RXFP1: variants seen among roughly 807,000 people sequenced by gnomAD.
The protein encoded by RXFP1 is relaxin family peptide receptor 1, also known as relaxin receptor 1.
In RXFP1, 73 loss-of-function variants were observed where a neutral mutation model predicts 89.8. That is an observed-to-expected ratio of 0.81 (90% CI 0.67 to 0.99). The LOEUF is 0.99. RXFP1 is among the 50% of genes least tolerant of loss of function. The probability of loss-of-function intolerance (pLI) is 0.00; values close to 1 mark genes in which losing one functional copy is unlikely to be tolerated. For synonymous variants in RXFP1, 277 were observed against 305.5 expected (o/e 0.91, Z 0.97); for missense variants, 793 against 895.5 (o/e 0.89, Z 1.46).
chr4:158,629,978 A>T (rs535488924), intron 11 of RXFP1, among the ~76,000 whole-genome samples: 1 of 152,270 alleles, frequency 6.6e-6, no homozygotes, highest in South Asian at 2.1e-4. Context: ...TTGTTTTGAC[A>T]ATTAGCTAGA....
At chr4:158,569,675 T>G (rs975640490) in intron 1 of RXFP1, among the ~76,000 whole-genome samples, 10 of 152,352 alleles carry the variant, frequency 6.6e-5, no homozygotes, top group Non-Finnish European at 1.5e-4. Flanking sequence ...CTTTCAATTG[T>G]TTATGGAACA....
chr4:158,628,301 A>C (rs1191554245), intron 10 of RXFP1, among the ~76,000 whole-genome samples: 1 of 152,216 alleles, frequency 6.6e-6, no homozygotes. Context: ...CAGTCATGCT[A>C]TGCAGACTGA....
intron 1 of RXFP1, among the ~76,000 whole-genome samples, chr4:158,539,868 C>A (rs1288908416): frequency 6.6e-6 from 1 of 152,070 alleles, no homozygotes; most frequent in Non-Finnish European, 1.5e-5. Flanking sequence ...GAAAAAAAAT[C>A]ACAGATTTCA....
intron 6 of RXFP1, chr4:158,610,678 C>T (rs1456572607): frequency 7.8e-7 from 1 of 1,289,568 alleles, no homozygotes; most frequent in East Asian, 5.5e-5. Flanking sequence ...GAGGACTGGG[C>T]AAAACAGGTG....
At chr4:158,527,564 A>ATATATATATATATATATAT (rs1553989393) in intron 1 of RXFP1, among the ~76,000 whole-genome samples, 1 of 98,338 alleles carries the variant, frequency 1.0e-5, no homozygotes, top group African/African-American at 3.5e-5. Flanking sequence ...AAAAAAAAAA[A>ATATATATATATATATATAT]ATATATATAT....
intron 4 of RXFP1, 90 bp from the exon 5 acceptor site, chr4:158,604,977 CT>C (rs1355487461): frequency 1.5e-6 from 1 of 652,012 alleles, no homozygotes; most frequent in African/African-American, 1.8e-5. Flanking sequence ...AAAGCTAGTA[CT>C]AAAGTAAATA....
intron 1 of RXFP1, among the ~76,000 whole-genome samples, chr4:158,540,291 G>A (rs890520678): frequency 2.6e-5 from 4 of 152,238 alleles, no homozygotes; most frequent in African/African-American, 9.6e-5. Context: ...TTACTCATGA[G>A]TTTTCTGGGA....
intron 1 of RXFP1, among the ~76,000 whole-genome samples, chr4:158,527,564 A>AAAAATATATATATATAT (rs5741905): frequency 1.7e-4 from 17 of 98,328 alleles, no homozygotes; most frequent in South Asian, 4.2e-4. Context: ...AAAAAAAAAA[A>AAAAATATATATATATAT]ATATATATAT....
Position 158,575,315 on chromosome 4 carries a change from T to C in RXFP1, c.187+2480T>C, listed in dbSNP as rs146381368. Among the ~76,000 whole-genome samples the C allele has an allele frequency of 4.5e-3, 679 of 152,244 alleles. 2 individuals carry two copies. The highest frequency in any genetic ancestry group is 0.016 in the South Asian group (78 of 4,830). On this transcript the variant is annotated intron_variant, in intron 2 of 17. Transcript: ENST00000307765. ...AGAAATCAGAGTTAAACTCTAGCTA[T>C]AAAGGGAGGCAAAAAATGGCTTGTT... is the stretch of plus-strand genomic sequence containing the variant.
chr4:158,547,741 T>C (rs955107872), intron 1 of RXFP1, among the ~76,000 whole-genome samples: 6 of 152,210 alleles, frequency 3.9e-5, no homozygotes, highest in African/African-American at 1.4e-4. Context: ...TTGTTCAGTT[T>C]CCATGTAGTT....
At chr4:158,594,502 T>A (rs1760146963) in intron 3 of RXFP1, among the ~76,000 whole-genome samples, 1 of 125,384 alleles carries the variant, frequency 8.0e-6, no homozygotes, top group South Asian at 2.2e-4. Context: ...TTTGTTTGAC[T>A]TTTTTTTTTT....
chr4:158,530,686 C>A (rs1318867698), intron 1 of RXFP1, among the ~76,000 whole-genome samples: 2 of 152,152 alleles, frequency 1.3e-5, no homozygotes, highest in African/African-American at 4.8e-5. Flanking sequence ...GAGAGGTGGC[C>A]AGTTTAGCAA....
chr4:158,606,989 A>G (rs1762646542), intron 5 of RXFP1: 2 of 1,184,582 alleles, frequency 1.7e-6, no homozygotes, highest in African/African-American at 1.5e-5. Context: ...ATGTTCGCTC[A>G]TATTGATTTC....
chr4:158,585,414 A>G lies in RXFP1; in HGVS notation c.188-7987A>G, dbSNP rs182953941. 1.5e-4 allele frequency among the ~76,000 whole-genome samples: 23 copies of G among 152,296 alleles called. No individual in the cohort carries two copies. In the East Asian group the frequency reaches 2.7e-3, roughly 18 times the overall value. On this transcript the variant is annotated intron_variant, in intron 2 of 17. Coordinates refer to ENST00000307765, the MANE Select transcript of RXFP1 (RefSeq NM_021634.4). ...GAAACTTGGAAGTTTCCTGTCCCCA[A>G]TCAAATCTCATCCTTTGTCCTCATC...
chr4:158,546,130 C>T (rs1748322828), intron 1 of RXFP1, among the ~76,000 whole-genome samples: 1 of 151,974 alleles, frequency 6.6e-6, no homozygotes, highest in African/African-American at 2.4e-5. Context: ...TTTCATTGAG[C>T]AGTGGTTTGT....
chr4:158,593,436 T>C lies in RXFP1; in HGVS notation c.223T>C (p.Tyr75His), dbSNP rs2150069268. 1 of 1,612,254 alleles carries C rather than the reference T, an allele frequency of 6.2e-7. No homozygotes were observed. Among genetic ancestry groups the C allele is most frequent in the East Asian group, 2.2e-5 (1 of 44,752 alleles). Residue 75 changes from tyrosine to histidine, a missense_variant, in exon 3 of 18, where the codon TAT becomes CAT. By Grantham distance (83) the Tyr-to-His change is moderately conservative. Transcript: ENST00000307765. Reference sequence around the variant, plus strand: ...TGGATGGTCTCTGCAATTTGACAAATATTTTGCCAGTTACTACAAAATGAC... The same window carrying C: ...TGGATGGTCTCTGCAATTTGACAAACATTTTGCCAGTTACTACAAAATGAC... Reference protein sequence around the residue: ...NNGWSLQFDKYFASYYKMTSQ... With the variant: ...NNGWSLQFDKHFASYYKMTSQ...
intron 1 of RXFP1, among the ~76,000 whole-genome samples, chr4:158,548,492 T>G (rs1406878652): frequency 6.6e-6 from 1 of 152,248 alleles, no homozygotes; most frequent in Non-Finnish European, 1.5e-5. Context: ...GTCCTGTCAT[T>G]ATGATGTTAG....
At chr4:158,550,763 G>T (rs974254658) in intron 1 of RXFP1, among the ~76,000 whole-genome samples, 3 of 152,210 alleles carry the variant, frequency 2.0e-5, no homozygotes, top group Non-Finnish European at 4.4e-5. Flanking sequence ...AAGAACACGT[G>T]TTCTGGAATC....
chr4:158,632,596 G>A (rs192683499), intron 11 of RXFP1, among the ~76,000 whole-genome samples: 203 of 152,146 alleles, frequency 1.3e-3, no homozygotes, highest in Non-Finnish European at 2.3e-3. Context: ...ACCTTTTTAG[G>A]ACTAAGGTAC....
Sources: gnomAD v4.1 joint callset for allele counts (sites outside exome capture counted in the v4.1 genomes callset) on GRCh38, gnomAD v4.1.1 for gene constraint, MANE v1.5 for transcripts, NCBI Gene and HGNC (gene_info 2026-07-23, HGNC 2026-07-21) for gene names.